NEGR1: variants seen among roughly 807,000 people sequenced by gnomAD.
NEGR1 encodes IgLON family member 4.
In NEGR1, 10 loss-of-function variants were observed where a neutral mutation model predicts 40.9. The ratio of observed to expected loss-of-function variants is 0.24; its 90% CI spans 0.15 to 0.42. The LOEUF is 0.42. NEGR1 is among the 10% of genes least tolerant of loss of function. The probability of loss-of-function intolerance (pLI) is 1.00; values close to 1 mark genes in which losing one functional copy is unlikely to be tolerated. For missense variants in NEGR1, 352 were observed against 438.9 expected (o/e 0.80, Z 1.77); for synonymous variants, 185 against 166.8 (o/e 1.11, Z -0.84).
At chr1:72,152,453 A>G (rs1003094571) in intron 1 of NEGR1, among the ~76,000 whole-genome samples, 1 of 152,016 alleles carries the variant, frequency 6.6e-6, no homozygotes, top group Non-Finnish European at 1.5e-5. Context: ...CAGAATGGCT[A>G]TTAATAAAAA....
intron 1 of NEGR1, among the ~76,000 whole-genome samples, chr1:72,014,397 GT>G (rs747231183): frequency 3.9e-5 from 6 of 151,944 alleles, no homozygotes; most frequent in Non-Finnish European, 8.8e-5. Flanking sequence ...TAGACATTAA[GT>G]GATAACATGT....
chr1:72,202,971 A>G (rs1653268971), intron 1 of NEGR1, among the ~76,000 whole-genome samples: 1 of 151,972 alleles, frequency 6.6e-6, no homozygotes, highest in African/African-American at 2.4e-5. Flanking sequence ...ACTTCTCAGA[A>G]AAAAAAATCG....
At chr1:71,713,114 C>A (rs886487024) in intron 3 of NEGR1, among the ~76,000 whole-genome samples, 1 of 152,216 alleles carries the variant, frequency 6.6e-6, no homozygotes, top group Admixed American at 6.5e-5. Flanking sequence ...GGCACTTCAT[C>A]AAATTTTCTT....
chr1:71,442,226 CTTTTTTTTTTTT>C (rs35594326), intron 6 of NEGR1, among the ~76,000 whole-genome samples: 2 of 84,984 alleles, frequency 2.4e-5, no homozygotes, highest in African/African-American at 9.0e-5. Flanking sequence ...GGTAGCATTC[CTTTTTTTTTTTT>C]TTTTTTTTTT....
chr1:71,775,950 G>A (rs1420824420), intron 3 of NEGR1, among the ~76,000 whole-genome samples: 2 of 151,288 alleles, frequency 1.3e-5, no homozygotes, highest in African/African-American at 2.4e-5. Context: ...ACCGGTTCGC[G>A]CCACTGAGCT....
chr1:71,504,756 G>C (rs897334136), intron 6 of NEGR1, among the ~76,000 whole-genome samples: 1 of 152,062 alleles, frequency 6.6e-6, no homozygotes, highest in African/African-American at 2.4e-5. Flanking sequence ...AAAAGGGGAG[G>C]GATTTTAGGT....
chr1:71,542,659 A>T (rs546133560), intron 6 of NEGR1, among the ~76,000 whole-genome samples: 1 of 151,900 alleles, frequency 6.6e-6, no homozygotes, highest in South Asian at 2.1e-4. Context: ...ACAATGAAGA[A>T]GAAAATCTTT....
At chr1:72,089,191 A>T (rs1648354787) in intron 1 of NEGR1, among the ~76,000 whole-genome samples, 1 of 152,142 alleles carries the variant, frequency 6.6e-6, no homozygotes, top group Admixed American at 6.6e-5. Flanking sequence ...CCATACTTGT[A>T]TAAAAAGCTT....
intron 1 of NEGR1, among the ~76,000 whole-genome samples, chr1:72,066,801 G>C (rs1647285074): frequency 6.6e-6 from 1 of 152,098 alleles, no homozygotes; most frequent in Admixed American, 6.6e-5. Flanking sequence ...AAGACACCCA[G>C]TCTGTGGCAT....
chr1:71,587,896 A>C (rs1649361298), intron 6 of NEGR1, among the ~76,000 whole-genome samples: 1 of 152,038 alleles, frequency 6.6e-6, no homozygotes, highest in Non-Finnish European at 1.5e-5. Flanking sequence ...ATTAGGTCTC[A>C]GGAGAGGGTT....
chr1:71,574,158 T>A (rs922669780), intron 6 of NEGR1, among the ~76,000 whole-genome samples: 10 of 152,324 alleles, frequency 6.6e-5, no homozygotes, highest in African/African-American at 2.2e-4. Context: ...CTAAACTCAA[T>A]ATTGTTCTCT....
At chr1:72,025,904 G>A (rs1646803367) in intron 1 of NEGR1, among the ~76,000 whole-genome samples, 1 of 151,610 alleles carries the variant, frequency 6.6e-6, no homozygotes, top group African/African-American at 2.4e-5. Flanking sequence ...GAGGTCAGGA[G>A]ATCGAGATCA....
intron 2 of NEGR1, among the ~76,000 whole-genome samples, chr1:71,828,146 GAATA>G: frequency 6.6e-6 from 1 of 151,900 alleles, no homozygotes; most frequent in Non-Finnish European, 1.5e-5. Flanking sequence ...AATGGGAATT[GAATA>G]AATAATTAGT....
At chr1:71,455,585 C>T (rs758395873) in intron 6 of NEGR1, among the ~76,000 whole-genome samples, 7 of 152,056 alleles carry the variant, frequency 4.6e-5, no homozygotes, top group South Asian at 2.1e-4. Context: ...ATCAGCTGGG[C>T]GTGGTGGCAC....
chr1:72,180,309 C>A (rs1652317618), intron 1 of NEGR1, among the ~76,000 whole-genome samples: 1 of 151,660 alleles, frequency 6.6e-6, no homozygotes, highest in Non-Finnish European at 1.5e-5. Flanking sequence ...GCACAAATAT[C>A]AATTCAAAAC....
At chr1:71,451,855 AAAC>A (rs1350362580) in intron 6 of NEGR1, among the ~76,000 whole-genome samples, 3 of 152,228 alleles carry the variant, frequency 2.0e-5, no homozygotes, top group Non-Finnish European at 4.4e-5. Flanking sequence ...ATATTCCTGA[AAAC>A]AATGAATCCC....
intron 6 of NEGR1, among the ~76,000 whole-genome samples, chr1:71,467,841 C>T (rs1044982618): frequency 1.3e-5 from 2 of 151,950 alleles, no homozygotes; most frequent in African/African-American, 4.8e-5. Context: ...TGAAAATCAT[C>T]CTCATAAATC....
intron 1 of NEGR1, among the ~76,000 whole-genome samples, chr1:72,013,590 A>C (rs1646680091): frequency 6.6e-6 from 1 of 152,136 alleles, no homozygotes; most frequent in Non-Finnish European, 1.5e-5. Flanking sequence ...TAAGCACTAT[A>C]ATTTGTAATA....
At position 71,990,838 on chromosome 1, in the gene NEGR1, C is replaced by T. The variant is rs376217424; in HGVS notation, c.177-55527G>A. The stretch of plus-strand genomic sequence containing the variant: ...ATTTTCTTTCTGAGAAAGCTCAATC[C>T]GTAAACACATTAATAAAATGATTTC... On this transcript the variant is annotated intron_variant, in intron 1 of 6. Coordinates refer to ENST00000357731, the MANE Select transcript of NEGR1 (RefSeq NM_173808.3). Among the ~76,000 whole-genome samples, 42 of 151,784 alleles carry T rather than the reference C, an allele frequency of 2.8e-4. No homozygotes were observed. The East Asian group carries it at 5.4e-3, about 20-fold the overall frequency.
Sources: allele counts gnomAD v4.1 joint callset (sites outside exome capture counted in the v4.1 genomes callset), GRCh38; gene constraint gnomAD v4.1.1; transcripts MANE v1.5; gene names NCBI Gene and HGNC (gene_info 2026-07-23, HGNC 2026-07-21).